Variants in MOB1B observed in about 807,000 individuals in gnomAD.
MOB1B encodes the protein MOB1 Mps One Binder homolog B.
In MOB1B, 19 loss-of-function variants were observed where a neutral mutation model predicts 24.4. The observed-to-expected ratio is 0.78, with a 90% confidence interval of 0.54 to 1.14. The LOEUF is 1.14. Ranked by LOEUF, MOB1B falls within the 50% of genes most tolerant of loss-of-function variation. The probability of loss-of-function intolerance (pLI) is 0.00; values close to 1 mark genes in which losing one functional copy is unlikely to be tolerated. For missense variants in MOB1B, 243 were observed against 259.6 expected (o/e 0.94, Z 0.44); for synonymous variants, 76 against 82.1 (o/e 0.93, Z 0.40).
intron 1 of MOB1B, among the ~76,000 whole-genome samples, chr4:70,926,874 G>A (rs1381339116): frequency 1.3e-5 from 2 of 152,092 alleles, no homozygotes; most frequent in Admixed American, 6.5e-5. Flanking sequence ...GTGGGCGCCT[G>A]TAGTCCCATC....
intron 2 of MOB1B, among the ~76,000 whole-genome samples, chr4:70,964,123 A>G (rs1027777303): frequency 2.0e-5 from 3 of 152,258 alleles, no homozygotes; most frequent in Non-Finnish European, 4.4e-5. Flanking sequence ...AAGTTTATTA[A>G]TATTAGTCGA....
intron 3 of MOB1B, among the ~76,000 whole-genome samples, chr4:70,973,688 C>CG (rs1738862933): frequency 6.6e-6 from 1 of 152,038 alleles, no homozygotes; most frequent in African/African-American, 2.4e-5. Flanking sequence ...AAGTAAGTGA[C>CG]TAAACAGTAA....
At chr4:70,926,929 G>A (rs1560636845) in intron 1 of MOB1B, among the ~76,000 whole-genome samples, 1 of 151,850 alleles carries the variant, frequency 6.6e-6, no homozygotes, top group African/African-American at 2.4e-5. Flanking sequence ...CTCAGGAGGT[G>A]GAGCTTACAG....
At chr4:70,943,893 CT>C (rs1737458561) in intron 1 of MOB1B, among the ~76,000 whole-genome samples, 1 of 151,932 alleles carries the variant, frequency 6.6e-6, no homozygotes, top group African/African-American at 2.4e-5. Context: ...AAACATTTCC[CT>C]TTTTGAGAAA....
chr4:70,910,027 T>C (rs1735913564), intron 1 of MOB1B, among the ~76,000 whole-genome samples: 1 of 151,388 alleles, frequency 6.6e-6, no homozygotes, highest in Non-Finnish European at 1.5e-5. Flanking sequence ...GGATTACAGG[T>C]ATGAGCCACC....
intron 1 of MOB1B, among the ~76,000 whole-genome samples, chr4:70,932,073 A>G (rs1475441750): frequency 6.6e-6 from 1 of 152,102 alleles, no homozygotes. Context: ...AATGTACAAT[A>G]TGTAGATATA....
intron 1 of MOB1B, among the ~76,000 whole-genome samples, chr4:70,936,522 AAC>A (rs1192494123): frequency 6.6e-6 from 1 of 152,110 alleles, no homozygotes; most frequent in African/African-American, 2.4e-5. Context: ...GATCTTTTTG[AAC>A]AAACCTATGT....
intron 1 of MOB1B, among the ~76,000 whole-genome samples, chr4:70,915,379 T>G (rs996845224): frequency 2.0e-5 from 3 of 152,208 alleles, no homozygotes; most frequent in African/African-American, 7.2e-5. Flanking sequence ...CTCCACAGTG[T>G]GGGAGCAGGC....
At chr4:70,967,050 T>C (rs1417345158) in intron 2 of MOB1B, among the ~76,000 whole-genome samples, 6 of 152,138 alleles carry the variant, frequency 3.9e-5, no homozygotes, top group Non-Finnish European at 5.9e-5. Context: ...GCAGAATAGC[T>C]ATAACATTAT....
At chr4:70,904,496 C>T (rs1004537759) in intron 1 of MOB1B, among the ~76,000 whole-genome samples, 1 of 151,912 alleles carries the variant, frequency 6.6e-6, no homozygotes, top group Non-Finnish European at 1.5e-5. Context: ...CGCGGTGGCT[C>T]ATGCCTGTAA....
chr4:70,929,065 T>G (rs1010879287), intron 1 of MOB1B, among the ~76,000 whole-genome samples: 15 of 152,066 alleles, frequency 9.9e-5, no homozygotes, highest in African/African-American at 3.6e-4. Context: ...AGAAAAAGAG[T>G]CATGAAAGCT....
chr4:70,923,071 G>A (rs1736499842), intron 1 of MOB1B, among the ~76,000 whole-genome samples: 1 of 152,150 alleles, frequency 6.6e-6, no homozygotes, highest in Admixed American at 6.5e-5. Context: ...TACCAAAGGA[G>A]AACGTCACAT....
chr4:70,909,018 T>C (rs948577553), intron 1 of MOB1B, among the ~76,000 whole-genome samples: 3 of 150,702 alleles, frequency 2.0e-5, no homozygotes, highest in African/African-American at 7.4e-5. Flanking sequence ...GCCATTGCAC[T>C]CTAGTCTGGG....
At chr4:70,904,758 C>CA (rs376732470) in intron 1 of MOB1B, among the ~76,000 whole-genome samples, 2,101 of 61,904 alleles carry the variant, frequency 0.034, 56 homozygotes, top group African/African-American at 0.074. Context: ...GACTCTGTCT[C>CA]AAAAAAAAAA....
In MOB1B at chr4:70,984,660, G is replaced by A. The variant is rs1358592050; in HGVS notation, c.*2603G>A. On this transcript the variant is annotated 3_prime_UTR_variant, in exon 6 of 6. Transcript: ENST00000309395. The stretch of plus-strand genomic sequence containing the variant: ...ACATAGTATTATTGTCACACACAAT[G>A]CTTTTTTTGGTTAAATGTTGATACG... 2 of 152,098 alleles carry A rather than the reference G, an allele frequency of 1.3e-5. No homozygotes were observed. The highest frequency in any genetic ancestry group is 4.8e-5 in the African/African-American group (2 of 41,426). 9.4% of individuals were successfully genotyped at this position (152,098 alleles called of 1,614,324 possible).
intron 1 of MOB1B, among the ~76,000 whole-genome samples, chr4:70,902,920 G>C (rs984908023): frequency 7.2e-5 from 11 of 152,208 alleles, no homozygotes; most frequent in Admixed American, 2.0e-4. Context: ...GTATCCAAGC[G>C]GTGCTCGGTT....
intron 4 of MOB1B, among the ~76,000 whole-genome samples, chr4:70,977,150 T>A (rs1739039779): frequency 6.6e-6 from 1 of 152,190 alleles, no homozygotes; most frequent in South Asian, 2.1e-4. Context: ...TATATAGATC[T>A]CATTTGGGCT....
intron 1 of MOB1B, among the ~76,000 whole-genome samples, chr4:70,946,960 G>A (rs375070911): frequency 7.2e-5 from 11 of 152,248 alleles, no homozygotes; most frequent in East Asian, 3.9e-4. Context: ...TATATTGAGC[G>A]TTTGCTCTGT....
intron 1 of MOB1B, among the ~76,000 whole-genome samples, chr4:70,957,434 C>CT (rs750809076): frequency 0.057 from 8,100 of 141,820 alleles, 355 homozygotes; most frequent in African/African-American, 0.12. Flanking sequence ...CTCTCTCTCT[C>CT]TTTTTTTTTT....
Sources: allele counts gnomAD v4.1 joint callset (sites outside exome capture counted in the v4.1 genomes callset), GRCh38; gene constraint gnomAD v4.1.1; transcripts MANE v1.5; gene names NCBI Gene and HGNC (gene_info 2026-07-23, HGNC 2026-07-21).